The following FGF7 variants were observed in gnomAD, a reference collection of about 807,000 sequenced individuals.
The protein encoded by FGF7 is fibroblast growth factor 7.
FGF7 carries 6 observed loss-of-function variants against 20.5 expected under a neutral mutation model. The observed-to-expected ratio is 0.29, with a 90% CI of 0.16 to 0.58. The LOEUF is 0.58. Among genes scored for constraint, FGF7 ranks in the 20% least tolerant of loss-of-function variants. FGF7 has a pLI of 0.90. For missense variants in FGF7, 144 were observed against 228.8 expected (o/e 0.63, Z 2.39); for synonymous variants, 64 against 74.7 (o/e 0.86, Z 0.74).
rs573313749 is a variant in FGF7 at position 49,480,071 on chromosome 15, T to C, written c.287-3080T>C. 8.7e-4 allele frequency among the ~76,000 whole-genome samples: 133 copies of C among 152,240 alleles called. 5 individuals are homozygous for C. The South Asian group carries it at 0.026, about 30-fold the overall frequency. Reference sequence around the variant, plus strand: ...ACATGGAACAAAATAGACTAGAAAATAGGGTTGATAAGCTACTGATTCTGC... The same window carrying C: ...ACATGGAACAAAATAGACTAGAAAACAGGGTTGATAAGCTACTGATTCTGC... On this transcript the variant is annotated intron_variant, in intron 2 of 3. Coordinates refer to ENST00000267843, the MANE Select transcript of FGF7 (RefSeq NM_002009.4).
At chr15:49,439,044 G>A (rs1351227447) in intron 2 of FGF7, among the ~76,000 whole-genome samples, 1 of 151,752 alleles carries the variant, frequency 6.6e-6, no homozygotes, top group Non-Finnish European at 1.5e-5. Context: ...TGGTCTTAGG[G>A]ACTCTTACGA....
intron 2 of FGF7, among the ~76,000 whole-genome samples, chr15:49,434,941 G>A (rs2050959705): frequency 6.6e-6 from 1 of 151,174 alleles, no homozygotes; most frequent in African/African-American, 2.4e-5. Flanking sequence ...TAATTCAATT[G>A]GAATAATATA....
intron 2 of FGF7, among the ~76,000 whole-genome samples, chr15:49,477,301 C>T (rs1353925704): frequency 4.6e-5 from 7 of 152,186 alleles, no homozygotes; most frequent in African/African-American, 1.7e-4. Flanking sequence ...AATAGTTTCA[C>T]TGATTTAAAA....
intron 2 of FGF7, among the ~76,000 whole-genome samples, chr15:49,426,745 A>C (rs564128572): frequency 1.3e-5 from 2 of 152,070 alleles, no homozygotes; most frequent in African/African-American, 4.8e-5. Flanking sequence ...AAGTCGCCCT[A>C]TATTGTTATA....
At chr15:49,425,749 C>T (rs2050070094) in intron 2 of FGF7, among the ~76,000 whole-genome samples, 1 of 151,628 alleles carries the variant, frequency 6.6e-6, no homozygotes, top group African/African-American at 2.4e-5. Context: ...TTCTTTTTAA[C>T]CATAATTGAT....
chr15:49,437,846 TG>T (rs2051251753), intron 2 of FGF7, among the ~76,000 whole-genome samples: 2 of 151,668 alleles, frequency 1.3e-5, no homozygotes, highest in African/African-American at 4.8e-5. Context: ...GTAAGTACTG[TG>T]AAAAAGGTAT....
intron 2 of FGF7, among the ~76,000 whole-genome samples, chr15:49,436,710 A>C (rs899521823): frequency 6.6e-6 from 1 of 151,558 alleles, no homozygotes; most frequent in South Asian, 2.1e-4. Flanking sequence ...TTACATAGCT[A>C]GTAACTGTCA....
At chr15:49,480,255 A>T (rs2055808317) in intron 2 of FGF7, among the ~76,000 whole-genome samples, 1 of 151,946 alleles carries the variant, frequency 6.6e-6, no homozygotes, top group South Asian at 2.1e-4. Context: ...GGTATCCTTA[A>T]CCCTAATATG....
At chr15:49,445,375 G>A (rs2052098425) in intron 2 of FGF7, among the ~76,000 whole-genome samples, 1 of 151,414 alleles carries the variant, frequency 6.6e-6, no homozygotes, top group Non-Finnish European at 1.5e-5. Flanking sequence ...TGCAGTATTT[G>A]GTTTTCTGTT....
intron 2 of FGF7, among the ~76,000 whole-genome samples, chr15:49,443,240 AAAGT>A (rs2051845584): frequency 6.6e-6 from 1 of 151,848 alleles, no homozygotes; most frequent in East Asian, 1.9e-4. Flanking sequence ...CATTAAAAGA[AAAGT>A]AATAAATACT....
chr15:49,444,783 C>T (rs955639826), intron 2 of FGF7, among the ~76,000 whole-genome samples: 1 of 151,602 alleles, frequency 6.6e-6, no homozygotes, highest in Non-Finnish European at 1.5e-5. Flanking sequence ...ATCTATCATT[C>T]AAGAATCAAT....
chr15:49,459,269 A>G (rs1429097523), intron 2 of FGF7, among the ~76,000 whole-genome samples: 1 of 152,172 alleles, frequency 6.6e-6, no homozygotes, highest in African/African-American at 2.4e-5. Context: ...ATGGAGGAGT[A>G]GGCTCCCAAT....
intron 2 of FGF7, among the ~76,000 whole-genome samples, chr15:49,470,798 T>C (rs2054670321): frequency 6.6e-6 from 1 of 152,252 alleles, no homozygotes; most frequent in South Asian, 2.1e-4. Flanking sequence ...TCCAGTATTA[T>C]GTATCACTTT....
rs149989684 is a variant in FGF7 at position 49,440,597 on chromosome 15, C to G, written c.286+16014C>G. ...AATTAATGCATTAATATTTATTAAA[C>G]AGATGGGAGAATAAAAACTTCTCTT... On this transcript the variant is annotated intron_variant, in intron 2 of 3. Transcript: ENST00000267843. Among the ~76,000 whole-genome samples, 286 of 151,798 alleles carry G rather than the reference C, an allele frequency of 1.9e-3. 1 individual carries two copies. The highest frequency in any genetic ancestry group is 6.5e-3 in the African/African-American group (269 of 41,468).
chr15:49,472,342 T>C (rs1232285459), intron 2 of FGF7, among the ~76,000 whole-genome samples: 3 of 152,150 alleles, frequency 2.0e-5, no homozygotes, highest in African/African-American at 4.8e-5. Context: ...TAACCCAAGG[T>C]AGAATCCAAA....
intron 3 of FGF7, 116 bp from the exon 4 acceptor site, chr15:49,484,194 T>G: frequency 1.5e-6 from 1 of 646,548 alleles, no homozygotes; most frequent in Non-Finnish European, 2.6e-6. Flanking sequence ...AATCTGAGGG[T>G]TAAAAAAAGT....
At chr15:49,460,008 A>G (rs2151923099) in intron 2 of FGF7, among the ~76,000 whole-genome samples, 1 of 152,246 alleles carries the variant, frequency 6.6e-6, no homozygotes, top group South Asian at 2.1e-4. Flanking sequence ...TTCCACAGCT[A>G]TCACTTTCTT....
chr15:49,449,902 T>C (rs1458645258), intron 2 of FGF7, among the ~76,000 whole-genome samples: 4 of 152,032 alleles, frequency 2.6e-5, no homozygotes, highest in Non-Finnish European at 2.9e-5. Flanking sequence ...AATTTCTGAG[T>C]TGGAAAACAG....
intron 2 of FGF7, among the ~76,000 whole-genome samples, chr15:49,476,948 T>C (rs1236020116): frequency 6.6e-6 from 1 of 151,702 alleles, no homozygotes; most frequent in Non-Finnish European, 1.5e-5. Flanking sequence ...TAGTCCCAGC[T>C]ACTCGGGAGG....
Sources: allele counts gnomAD v4.1 joint callset (sites outside exome capture counted in the v4.1 genomes callset), GRCh38; gene constraint gnomAD v4.1.1; transcripts MANE v1.5; gene names NCBI Gene and HGNC (gene_info 2026-07-23, HGNC 2026-07-21).